ASTN2: variants seen among roughly 807,000 people sequenced by gnomAD.
The protein encoded by ASTN2 is astrotactin 2.
A neutral mutation model predicts 139.8 loss-of-function variants in ASTN2; 54 were observed. The ratio of observed to expected loss-of-function variants is 0.39; its 90% confidence interval spans 0.31 to 0.48. ASTN2 has a LOEUF of 0.48. Ranked by LOEUF, ASTN2 falls within the 20% of genes least tolerant of loss-of-function variation. The probability of loss-of-function intolerance (pLI) is 0.95; values close to 1 mark genes in which losing one functional copy is unlikely to be tolerated. For missense variants in ASTN2, 1,565 were observed against 1,725.1 expected, an observed-to-expected ratio of 0.91 and a Z score of 1.64; for synonymous variants, 756 against 719.5, an observed-to-expected ratio of 1.05 and a Z score of -0.81.
At chr9:117,152,791 G>T (rs920911262) in intron 3 of ASTN2, among the ~76,000 whole-genome samples, 3 of 152,076 alleles carry the variant, frequency 2.0e-5, no homozygotes, top group African/African-American at 7.2e-5. Context: ...CTAAGAACTT[G>T]AAGTTCTCAG....
intron 3 of ASTN2, among the ~76,000 whole-genome samples, chr9:117,161,867 T>A (rs1830561527): frequency 6.8e-6 from 1 of 147,610 alleles, no homozygotes; most frequent in Non-Finnish European, 1.5e-5. Context: ...TCTTTTTCTT[T>A]TTTTTTAGAA....
intron 13 of ASTN2, among the ~76,000 whole-genome samples, chr9:116,749,113 T>C (rs1376269815): frequency 6.6e-6 from 1 of 152,028 alleles, no homozygotes; most frequent in South Asian, 2.1e-4. Flanking sequence ...AAAATGGAAA[T>C]AATAATCATC....
intron 2 of ASTN2, among the ~76,000 whole-genome samples, chr9:117,270,317 T>C (rs957667528): frequency 6.6e-6 from 1 of 152,244 alleles, no homozygotes; most frequent in African/African-American, 2.4e-5. Context: ...TGAAACTTTA[T>C]ACCTGTTGGG....
At chr9:117,034,505 A>G (rs552955220) in intron 6 of ASTN2, among the ~76,000 whole-genome samples, 12 of 152,336 alleles carry the variant, frequency 7.9e-5, no homozygotes, top group African/African-American at 2.9e-4. Flanking sequence ...CCCTTATTAA[A>G]GATGCTTATA....
At chr9:116,658,730 G>A (rs900316998) in intron 16 of ASTN2, among the ~76,000 whole-genome samples, 19 of 96,900 alleles carry the variant, frequency 2.0e-4, no homozygotes, top group Non-Finnish European at 2.8e-4. Flanking sequence ...CCTGACCACC[G>A]CTCTTTTTTT....
At chr9:117,021,641 G>T (rs1837883873) in intron 6 of ASTN2, among the ~76,000 whole-genome samples, 1 of 152,118 alleles carries the variant, frequency 6.6e-6, no homozygotes, top group Non-Finnish European at 1.5e-5. Context: ...ACAGAGCGAG[G>T]CAGCTGGTAT....
In ASTN2 at chr9:117,008,189, G is replaced by A; in HGVS notation, c.1494C>T (p.Ser498=). ...ISDWLNPAKL[S]LYYQINATSP... is the part of the protein sequence containing the mutation. Reference sequence around the variant, plus strand: ...AGGTGGCATTGATCTGGTAATACAGGGAAAGCTTGGCCGGGTTTAACCAGT... The same window carrying A: ...AGGTGGCATTGATCTGGTAATACAGAGAAAGCTTGGCCGGGTTTAACCAGT... Residue 498 remains serine (S), a synonymous_variant, in exon 7 of 23, where the codon TCC becomes TCT. Coordinates refer to ENST00000313400, the MANE Select transcript of ASTN2 (RefSeq NM_001365068.1). 4 of 1,611,226 alleles carry A rather than the reference G, an allele frequency of 2.5e-6. No individual in the cohort carries two copies. The highest frequency in any genetic ancestry group is 3.4e-6 in the Non-Finnish European group (4 of 1,178,668).
At chr9:117,045,257 CAAAAAAAA>C (rs56993648) in intron 5 of ASTN2, among the ~76,000 whole-genome samples, 45 of 131,644 alleles carry the variant, frequency 3.4e-4, no homozygotes, top group African/African-American at 1.2e-3. Flanking sequence ...ATGTAATTAG[CAAAAAAAA>C]AAAAAAAAAG....
chr9:116,615,302 T>G (rs1855782904), intron 19 of ASTN2, among the ~76,000 whole-genome samples: 1 of 152,216 alleles, frequency 6.6e-6, no homozygotes, highest in Non-Finnish European at 1.5e-5. Flanking sequence ...TGAACCATTG[T>G]GGAAGACAGT....
intron 2 of ASTN2, among the ~76,000 whole-genome samples, chr9:117,242,339 C>T (rs962854113): frequency 5.3e-5 from 8 of 152,082 alleles, no homozygotes; most frequent in African/African-American, 1.9e-4. Context: ...TTACACTCTG[C>T]TGGTGGATAT....
Position 117,149,145 on chromosome 9 carries a change from G to A in ASTN2, c.1016-7667C>T, listed in dbSNP as rs34164418. On this transcript the variant is annotated intron_variant, in intron 3 of 22. Transcript: ENST00000313400. ...AGTGATTCTCGTGCCTCAGACTCCC[G>A]AGTAGCTGGGATTATAGGCATGTAC... Among the ~76,000 whole-genome samples, 20 of 152,038 alleles carry A rather than the reference G, an allele frequency of 1.3e-4. 1 individual carries two copies. In the South Asian group the frequency reaches 2.3e-3, roughly 17 times the overall value.
intron 2 of ASTN2, among the ~76,000 whole-genome samples, chr9:117,279,404 C>G (rs1206769850): frequency 6.6e-6 from 1 of 152,180 alleles, no homozygotes; most frequent in East Asian, 1.9e-4. Flanking sequence ...ACAGCAATAT[C>G]AATAGTATCA....
intron 1 of ASTN2, among the ~76,000 whole-genome samples, chr9:117,302,403 T>C (rs952095806): frequency 1.3e-5 from 2 of 152,136 alleles, no homozygotes; most frequent in Non-Finnish European, 1.5e-5. Context: ...TCTTCTGATC[T>C]CATTGTTTAG....
intron 16 of ASTN2, chr9:116,697,694 T>C (rs1860935392): frequency 6.2e-7 from 1 of 1,611,124 alleles, no homozygotes; most frequent in Non-Finnish European, 8.5e-7. Flanking sequence ...ATGAATACTG[T>C]GCTGTTCAGT....
intron 19 of ASTN2, among the ~76,000 whole-genome samples, chr9:116,528,416 AG>A (rs1851185855): frequency 6.6e-6 from 1 of 152,176 alleles, no homozygotes; most frequent in African/African-American, 2.4e-5. Context: ...TTTTTTTGAA[AG>A]TGTACAGTCA....
intron 5 of ASTN2, among the ~76,000 whole-genome samples, chr9:117,081,888 C>A (rs1034036493): frequency 6.6e-6 from 1 of 152,228 alleles, no homozygotes; most frequent in African/African-American, 2.4e-5. Flanking sequence ...CCAACAACCA[C>A]ATAAGCTTGG....
chr9:116,591,147 C>T (rs1308677904), intron 19 of ASTN2, among the ~76,000 whole-genome samples: 1 of 152,200 alleles, frequency 6.6e-6, no homozygotes, highest in East Asian at 1.9e-4. Flanking sequence ...AGAAGAGCTG[C>T]AGCAGTTCAG....
At chr9:116,929,655 C>T (rs1487826797) in intron 10 of ASTN2, among the ~76,000 whole-genome samples, 1 of 152,166 alleles carries the variant, frequency 6.6e-6, no homozygotes, top group Non-Finnish European at 1.5e-5. Context: ...CAACCCTTTG[C>T]TGACTAATTG....
intron 13 of ASTN2, among the ~76,000 whole-genome samples, chr9:116,791,037 A>AAGAG: frequency 1.1e-5 from 1 of 91,142 alleles, no homozygotes; most frequent in Admixed American, 1.2e-4. Context: ...GAAAGAAAGA[A>AAGAG]AGAAAGAAAA....
Sources: allele counts gnomAD v4.1 joint callset (sites outside exome capture counted in the v4.1 genomes callset), GRCh38; gene constraint gnomAD v4.1.1; transcripts MANE v1.5; gene names NCBI Gene and HGNC (gene_info 2026-07-23, HGNC 2026-07-21).